Variants in CSMD1 observed in about 807,000 individuals in gnomAD.
CSMD1 encodes CUB and Sushi multiple domains 1, also known as CUB and sushi domain-containing protein 1.
In CSMD1, 213 loss-of-function variants were observed where a neutral mutation model predicts 417.5. The observed-to-expected ratio is 0.51, with a 90% CI of 0.46 to 0.57. The LOEUF (loss-of-function observed/expected upper bound fraction) is 0.57. Among genes scored for constraint, CSMD1 ranks in the 20% least tolerant of loss-of-function variants. CSMD1 has a pLI of 0.00. For missense variants in CSMD1, 6,923 were observed against 4,529.7 expected, an observed-to-expected ratio of 1.53 and a Z score of -15.17; for synonymous variants, 2,862 against 1,736.8, an observed-to-expected ratio of 1.65 and a Z score of -16.11.
At chr8:3,197,172 A>C (rs1767340533) in intron 33 of CSMD1, among the ~76,000 whole-genome samples, 1 of 152,120 alleles carries the variant, frequency 6.6e-6, no homozygotes, top group Admixed American at 6.6e-5. Flanking sequence ...CACATTACTA[A>C]CCAGGATGAC....
intron 3 of CSMD1, among the ~76,000 whole-genome samples, chr8:4,248,348 G>A (rs188028661): frequency 7.2e-5 from 11 of 152,186 alleles, no homozygotes; most frequent in Admixed American, 4.6e-4. Flanking sequence ...AGCCAAACAC[G>A]CTTTTACCAT....
chr8:3,387,815 A>G (rs1017765568), intron 17 of CSMD1, 133 bp from the exon 18 acceptor site: 1 of 705,824 alleles, frequency 1.4e-6, no homozygotes, highest in African/African-American at 1.8e-5. Flanking sequence ...GAACCCAACA[A>G]TCCATGGACA....
chr8:3,716,528 A>C (rs1316328926), intron 6 of CSMD1, among the ~76,000 whole-genome samples: 1 of 152,210 alleles, frequency 6.6e-6, no homozygotes, highest in Non-Finnish European at 1.5e-5. Context: ...TGAGTGCAGC[A>C]GTGAGGATGG....
chr8:4,383,462 T>G (rs1162695416), intron 3 of CSMD1, among the ~76,000 whole-genome samples: 4 of 152,188 alleles, frequency 2.6e-5, no homozygotes, highest in Non-Finnish European at 5.9e-5. Context: ...TAGTTCCTAA[T>G]ACTTCATACA....
At chr8:3,921,530 T>C (rs990604530) in intron 5 of CSMD1, among the ~76,000 whole-genome samples, 5 of 152,172 alleles carry the variant, frequency 3.3e-5, no homozygotes, top group Admixed American at 3.3e-4. Flanking sequence ...AGGCCATCAT[T>C]TCTGTAAACT....
At chr8:3,818,928 A>T (rs1801555417) in intron 5 of CSMD1, among the ~76,000 whole-genome samples, 1 of 152,170 alleles carries the variant, frequency 6.6e-6, no homozygotes, top group African/African-American at 2.4e-5. Flanking sequence ...ACACTCACTC[A>T]CACTCACACC....
At chr8:3,482,266 A>T (rs976630876) in intron 11 of CSMD1, among the ~76,000 whole-genome samples, 6 of 152,154 alleles carry the variant, frequency 3.9e-5, no homozygotes, top group Non-Finnish European at 8.8e-5. Context: ...TTACCCAAAT[A>T]ATGAGGCTTA....
At chr8:4,520,490 C>T (rs1054450697) in intron 2 of CSMD1, among the ~76,000 whole-genome samples, 2 of 152,074 alleles carry the variant, frequency 1.3e-5, no homozygotes, top group African/African-American at 4.8e-5. Context: ...TGAAATGGGT[C>T]ACACAGTACT....
chr8:3,867,006 ATTT>A (rs1805150158), intron 5 of CSMD1, among the ~76,000 whole-genome samples: 1 of 152,164 alleles, frequency 6.6e-6, no homozygotes, highest in Non-Finnish European at 1.5e-5. Context: ...GTCAGCCAAT[ATTT>A]TTAATTCTGT....
At chr8:4,138,798 A>G (rs1803596485) in intron 3 of CSMD1, among the ~76,000 whole-genome samples, 2 of 152,190 alleles carry the variant, frequency 1.3e-5, no homozygotes, top group East Asian at 3.8e-4. Context: ...AGTGGCTTTC[A>G]TTTAATGGTA....
At chr8:4,878,237 T>C (rs1479665110) in intron 1 of CSMD1, among the ~76,000 whole-genome samples, 1 of 151,852 alleles carries the variant, frequency 6.6e-6, no homozygotes, top group Non-Finnish European at 1.5e-5. Flanking sequence ...AAAGAAAGGG[T>C]CAGGGAAGGA....
intron 12 of CSMD1, among the ~76,000 whole-genome samples, chr8:3,451,159 G>T (rs922529654): frequency 2.0e-5 from 3 of 152,158 alleles, no homozygotes; most frequent in Middle Eastern, 3.2e-3. Flanking sequence ...TTTTGATGGG[G>T]TTGCTTGTTT....
At chr8:4,595,847 C>T (rs145450522) in intron 2 of CSMD1, among the ~76,000 whole-genome samples, 2 of 152,188 alleles carry the variant, frequency 1.3e-5, no homozygotes, top group African/African-American at 2.4e-5. Flanking sequence ...GACACTGACA[C>T]GTCTACATGG....
chr8:4,678,784 G>A lies in CSMD1; in HGVS notation c.86-41226C>T, dbSNP rs888961760. On this transcript the variant is annotated intron_variant, in intron 1 of 69. Transcript: ENST00000635120. ...GAAAGTTGTCTCTCGTCTTACCTTTGAGCAAGTTACCTTTAACCTGTATGT... is the reference window on the plus strand; with the variant it reads ...GAAAGTTGTCTCTCGTCTTACCTTTAAGCAAGTTACCTTTAACCTGTATGT... 3.3e-5 allele frequency among the ~76,000 whole-genome samples: 5 copies of A among 152,260 alleles called. No individual in the cohort carries two copies. The East Asian group carries it at 5.8e-4, about 18-fold the overall frequency.
chr8:4,978,362 G>C (rs1269490878), intron 1 of CSMD1, among the ~76,000 whole-genome samples: 3 of 152,080 alleles, frequency 2.0e-5, no homozygotes, highest in African/African-American at 7.2e-5. Flanking sequence ...GAAAAAGCCA[G>C]ATCACACTGA....
At chr8:4,785,549 G>A (rs976463686) in intron 1 of CSMD1, among the ~76,000 whole-genome samples, 1 of 152,098 alleles carries the variant, frequency 6.6e-6, no homozygotes, top group African/African-American at 2.4e-5. Context: ...GAAATGCTGT[G>A]ATTCACATCC....
At chr8:3,387,762 G>A (rs573885345) in intron 17 of CSMD1, 80 bp from the exon 18 acceptor site, 12 of 1,138,248 alleles carry the variant, frequency 1.1e-5, no homozygotes, top group South Asian at 6.2e-5. Context: ...CATCAACTAC[G>A]AAATAGTCTC....
chr8:4,161,696 C>G (rs900578608), intron 3 of CSMD1, among the ~76,000 whole-genome samples: 1 of 152,164 alleles, frequency 6.6e-6, no homozygotes, highest in South Asian at 2.1e-4. Context: ...GCAGAAAAAT[C>G]TGCCACGAAT....
At chr8:4,399,937 C>T (rs907069661) in intron 3 of CSMD1, among the ~76,000 whole-genome samples, 1 of 152,086 alleles carries the variant, frequency 6.6e-6, no homozygotes, top group Non-Finnish European at 1.5e-5. Flanking sequence ...TTTCTCCAGA[C>T]CTCATCTAGG....
Sources: gnomAD v4.1 joint callset for allele counts (sites outside exome capture counted in the v4.1 genomes callset) on GRCh38, gnomAD v4.1.1 for gene constraint, MANE v1.5 for transcripts, NCBI Gene and HGNC (gene_info 2026-07-23, HGNC 2026-07-21) for gene names.